PTCH1: variants seen among roughly 807,000 people sequenced by gnomAD.
PTCH1 encodes the protein protein patched homolog 1.
Under a neutral mutation model 144.6 loss-of-function variants are expected in PTCH1, and 14 were observed. The observed-to-expected ratio is 0.10, with a 90% confidence interval of 0.06 to 0.15. The LOEUF is 0.15. Among genes scored for constraint, PTCH1 ranks in the 10% least tolerant of loss-of-function variants. The pLI is 1.00. For synonymous variants in PTCH1, 833 were observed against 793.6 expected (o/e 1.05, Z -0.83); for missense variants, 1,623 against 1,948.3 (o/e 0.83, Z 3.14).
exon 1 of PTCH1, chr9:95,516,619 T>G: frequency 6.2e-7 from 1 of 1,608,260 alleles, no homozygotes; most frequent in Non-Finnish European, 8.5e-7. Flanking sequence ...CGTCTCCCCC[T>G]TGCCTTGTCG....
Position 95,449,758 on chromosome 9 carries a change from C to A in PTCH1, c.3549+83G>T. 7.8e-7 allele frequency: 1 copy of A among 1,278,858 alleles called. No homozygotes were observed. The highest frequency in any genetic ancestry group is 1.2e-5 in the South Asian group (1 of 81,514). The allele number at this position is 1,278,858 out of a possible 1,614,324, so 79.2% of individuals were successfully genotyped here. On this transcript the variant is annotated intron_variant, in intron 21 of 23. Transcript: ENST00000331920. This position sits in a 1 kb window ranked among gnomAD's most constrained non-coding sequence, Gnocchi z 5.3. ...AGAACCACCAGCAAGTGGGGAGGCACCTAAGTATCGAAGTGAAGAGCGGCA... is the reference window on the plus strand; with the variant it reads ...AGAACCACCAGCAAGTGGGGAGGCAACTAAGTATCGAAGTGAAGAGCGGCA...
In PTCH1 at chr9:95,480,921, A is replaced by T. The variant is rs55727070; in HGVS notation, c.747-333T>A. 4.0e-3 allele frequency among the ~76,000 whole-genome samples: 556 copies of T among 140,330 alleles called. 4 individuals are homozygous for T. The highest frequency in any genetic ancestry group is 0.011 in the Middle Eastern group (3 of 270). The allele number at this position is 140,330 out of a possible 152,430, so 92.1% of individuals were successfully genotyped here. ...TCCAAAATTAAATTTTTTTTTTTTTAAAAAAGAGGGCGTCACAATATCAAA... is the reference window on the plus strand; with the variant it reads ...TCCAAAATTAAATTTTTTTTTTTTTTAAAAAGAGGGCGTCACAATATCAAA... On this transcript the variant is annotated intron_variant, in intron 5 of 23. Transcript: ENST00000331920.
intron 2 of PTCH1, 36 bp from the exon 3 acceptor site, chr9:95,485,910 A>C (rs775114073): frequency 1.1e-5 from 18 of 1,608,710 alleles, no homozygotes; most frequent in African/African-American, 2.7e-5. Context: ...AGAATAGCAA[A>C]ATCACTGCAA....
rs1014606258 is a variant in PTCH1 at position 95,481,936 on chromosome 9, A to G, written c.746+13T>C. On this transcript the variant is annotated intron_variant, in intron 5 of 23. Transcript: ENST00000331920. ...GAAGTCACAGACATCAGAAAGCATG[A>G]TCACACACTTACAGGAGGTATGCTG... 5.0e-6 allele frequency: 8 copies of G among 1,592,660 alleles called. No homozygotes were observed. The highest frequency in any genetic ancestry group is 6.9e-6 in the Non-Finnish European group (8 of 1,160,488).
At chr9:95,490,591 G>A (rs559614428) in intron 2 of PTCH1, among the ~76,000 whole-genome samples, 4 of 150,976 alleles carry the variant, frequency 2.6e-5, no homozygotes, top group Non-Finnish European at 5.9e-5. Context: ...ACTTGGTAGA[G>A]ATATGAATTA....
upstream of PTCH1, among the ~76,000 whole-genome samples, chr9:95,512,532 G>C (rs914883642): frequency 6.6e-6 from 1 of 152,234 alleles, no homozygotes; most frequent in African/African-American, 2.4e-5. Context: ...CAGGGCTGAG[G>C]CTGCCCCCAA....
In PTCH1 at chr9:95,453,141, T is replaced by A. The variant is rs139040285; in HGVS notation, c.3449+337A>T. 906 of 349,426 alleles carry A rather than the reference T, an allele frequency of 2.6e-3. 7 individuals are homozygous for A. Among genetic ancestry groups the A allele is most frequent in the African/African-American group, 0.018 (830 of 46,852 alleles). The allele number at this position is 349,426 out of a possible 1,614,324, so 21.6% of individuals were successfully genotyped here. ...AGATCACCTGAGCTAATAACAATAT[T>A]TTTTTTTTTGAGACAGAATCTCGCT... On this transcript the variant is annotated intron_variant, in intron 20 of 23. Transcript: ENST00000331920.
rs377622963 is a variant in PTCH1, at chr9:95,478,040, G to A, written c.1347+15C>T. ...ACCAAACTCCAGCCCCCAGGAGCATGGCATCGAGCGTTACCATGAGTAAGT... is the reference window on the plus strand; with the variant it reads ...ACCAAACTCCAGCCCCCAGGAGCATAGCATCGAGCGTTACCATGAGTAAGT... On this transcript the variant is annotated intron_variant, in intron 9 of 23. Transcript: ENST00000331920. The A allele has an allele frequency of 5.0e-6, 8 of 1,614,058 alleles. No homozygotes were observed. Among genetic ancestry groups the A allele is most frequent in the African/African-American group, 4.0e-5 (3 of 74,934 alleles).
At chr9:95,472,785 T>C (rs906844339) in intron 12 of PTCH1, among the ~76,000 whole-genome samples, 1 of 152,136 alleles carries the variant, frequency 6.6e-6, no homozygotes, top group African/African-American at 2.4e-5. Flanking sequence ...ACCTACTACA[T>C]GTATGGCGGA....
At chr9:95,516,235 C>A (rs1263905413) in intron 1 of PTCH1, among the ~76,000 whole-genome samples, 1 of 148,782 alleles carries the variant, frequency 6.7e-6, no homozygotes, top group Non-Finnish European at 1.5e-5. Context: ...GGGGCGGGGG[C>A]CCGGGCGTGC....
At chr9:95,472,597 A>G (rs1454019364) in intron 12 of PTCH1, among the ~76,000 whole-genome samples, 1 of 152,196 alleles carries the variant, frequency 6.6e-6, no homozygotes, top group African/African-American at 2.4e-5. Flanking sequence ...ACAGGTGTTC[A>G]TGAGGATGAG....
At chr9:95,478,411 G>C (rs527917465) in intron 8 of PTCH1, among the ~76,000 whole-genome samples, 22 of 152,334 alleles carry the variant, frequency 1.4e-4, no homozygotes, top group African/African-American at 5.3e-4. Context: ...AGTGGGTGCT[G>C]CTGAGGGCTG....
At chr9:95,450,876 TGGCA>T (rs1378082551) in intron 20 of PTCH1, 1 of 152,184 alleles carries the variant, frequency 6.6e-6, no homozygotes, top group Non-Finnish European at 1.5e-5. Flanking sequence ...GGACAGCCTC[TGGCA>T]GACACTCTGC....
rs4448343 is a variant in PTCH1, at chr9:95,504,088, A to G, written c.394+2319T>C. ...AAGATAATAATAGCTATTTTATTGA[A>G]TCGTAAGGCATGCGATAATATATAA... is the stretch of plus-strand genomic sequence containing the variant. On this transcript the variant is annotated intron_variant, in intron 2 of 23. Coordinates refer to ENST00000331920, the MANE Select transcript of PTCH1 (RefSeq NM_000264.5). Among the ~76,000 whole-genome samples the G allele has an allele frequency of 7.7e-4, 45 of 58,088 alleles. 7 individuals carry two copies. The highest frequency in any genetic ancestry group is 2.0e-3 in the African/African-American group (20 of 10,164). The allele number at this position is 58,088 out of a possible 152,430, so 38.1% of individuals were successfully genotyped here. A position where few individuals can be genotyped will look rare whatever the true frequency, so the allele number is the denominator to read the frequency against.
Position 95,480,481 on chromosome 9 carries a change from G to A in PTCH1, c.854C>T (p.Ala285Val). 6.2e-7 allele frequency: 1 copy of A among 1,612,632 alleles called. No homozygotes were observed. Among genetic ancestry groups the A allele is most frequent in the Non-Finnish European group, 8.5e-7 (1 of 1,179,858 alleles). Residue 285 changes from alanine to valine, a missense_variant, in exon 6 of 24, where the codon GCT becomes GTT. By Grantham distance (64) the Ala-to-Val change is moderately conservative. Around this residue, in one of 7 missense-constraint regions of PTCH1, gnomAD observed 230 missense variants for 271.0 expected, o/e 0.85. Coordinates refer to ENST00000331920, the MANE Select transcript of PTCH1 (RefSeq NM_000264.5). ...GTCCATGTAACCATGACCAACCTCA[G>A]CCTTATTCAGCATTTCCTCCCAGCT... ...VDSWEEMLNK[A>V]EVGHGYMDRP...
intron 4 of PTCH1, 28 bp downstream of exon 4, chr9:95,482,106 A>C (rs756665652): frequency 1.2e-6 from 2 of 1,613,226 alleles, no homozygotes; most frequent in Non-Finnish European, 1.7e-6. Flanking sequence ...GTTCCTGAGA[A>C]ATTTTTGCCA....
In PTCH1 at chr9:95,447,157, G is replaced by A. The variant is rs2136576500; in HGVS notation, c.4099C>T (p.Pro1367Ser). ...MGSSVPGYCQPITTVTASASV... is the reference protein window; with the variant it reads ...MGSSVPGYCQSITTVTASASV... ...GCAGAAGCCGTCACAGTGGTGATGG[G>A]CTGGCAGTAGCCGGGCACGGAGCTG... Residue 1367 changes from proline to serine, a missense_variant, in exon 23 of 24, where the codon CCC (proline) becomes TCC (serine). Pro to Ser is a moderately conservative substitution (Grantham distance 74). Coordinates refer to ENST00000331920, the MANE Select transcript of PTCH1 (RefSeq NM_000264.5). 1 of 1,613,172 alleles carries A rather than the reference G, an allele frequency of 6.2e-7. No homozygotes were observed. The highest frequency in any genetic ancestry group is 8.5e-7 in the Non-Finnish European group (1 of 1,179,940).
chr9:95,489,406 T>C (rs1004368285), intron 2 of PTCH1, among the ~76,000 whole-genome samples: 1 of 152,176 alleles, frequency 6.6e-6, no homozygotes, highest in Non-Finnish European at 1.5e-5. Flanking sequence ...TGGAGTGCAG[T>C]GGCACAATCA....
intron 2 of PTCH1, among the ~76,000 whole-genome samples, chr9:95,490,126 T>G (rs959131393): frequency 2.6e-5 from 4 of 151,566 alleles, no homozygotes; most frequent in African/African-American, 9.7e-5. Flanking sequence ...ATTTACCCGC[T>G]TTGCTTTTTT....
Sources: gnomAD v4.1 joint callset for allele counts (sites outside exome capture counted in the v4.1 genomes callset) on GRCh38, gnomAD v4.1.1 for gene constraint, gnomAD v4.1.1 regional missense constraint, Gnocchi (gnomAD v3.1) non-coding constraint, MANE v1.5 for transcripts, NCBI Gene and HGNC (gene_info 2026-07-23, HGNC 2026-07-21) for gene names.